The following CAMTA2 variants were observed in gnomAD, a reference collection of about 807,000 sequenced individuals.
CAMTA2 encodes the protein calmodulin-binding transcription activator 2.
Under a neutral mutation model 135.7 loss-of-function variants are expected in CAMTA2, and 56 were observed. The ratio of observed to expected loss-of-function variants is 0.41; its 90% CI spans 0.33 to 0.52. The LOEUF (loss-of-function observed/expected upper bound fraction) is 0.52, where lower values mean the gene tolerates loss of function less well. Among genes scored for constraint, CAMTA2 ranks in the 20% least tolerant of loss-of-function variants. The probability of loss-of-function intolerance (pLI) is 0.16; values close to 1 mark genes in which losing one functional copy is unlikely to be tolerated. For synonymous variants in CAMTA2, 591 were observed against 604.6 expected, an observed-to-expected ratio of 0.98 and a Z score of 0.33; for missense variants, 1,358 against 1,553.4, an observed-to-expected ratio of 0.87 and a Z score of 2.11.
Position 4,974,502 on chromosome 17 carries a change from T to A in CAMTA2, c.1901-2A>T. 1.9e-6 allele frequency: 3 copies of A among 1,603,216 alleles called. No homozygotes were observed. Among genetic ancestry groups the A allele is most frequent in the Non-Finnish European group, 2.6e-6 (3 of 1,170,074 alleles). Reference sequence around the variant, plus strand: ...GTATGGACATCCGGAACTGGTTGTCTGAGGGGGAACGGGTATGGGAGGCTG... The same window carrying A: ...GTATGGACATCCGGAACTGGTTGTCAGAGGGGGAACGGGTATGGGAGGCTG... On this transcript the variant is annotated splice_acceptor_variant, in intron 11 of 22. Transcript: ENST00000348066. LOFTEE classifies it high-confidence loss of function.
At chr17:4,978,355 G>A in intron 10 of CAMTA2, 149 bp downstream of exon 10, 4 of 768,284 alleles carry the variant, frequency 5.2e-6, no homozygotes, top group Non-Finnish European at 8.1e-6. Flanking sequence ...TGCTGGGAGA[G>A]CTTGGGGCTC....
chr17:4,977,988 T>G (rs1378595009), intron 10 of CAMTA2, among the ~76,000 whole-genome samples: 1 of 152,222 alleles, frequency 6.6e-6, no homozygotes, highest in Non-Finnish European at 1.5e-5. Context: ...TCAGTGAGAC[T>G]GGGGAAGTGA....
At position 4,970,430 on chromosome 17, in the gene CAMTA2, C is replaced by T. The variant is rs138067622; in HGVS notation, c.2915G>A (p.Arg972Gln). 1,186 of 1,614,204 alleles carry T rather than the reference C, an allele frequency of 7.3e-4. 1 individual carries two copies. Among genetic ancestry groups the T allele is most frequent in the Admixed American group, 9.8e-4 (59 of 60,026 alleles). ...CTCACTGAGCCCCACAGCCCCTGTC[C>T]GCTCCCGCATTGAGGCTCCAGCCTC... is the stretch of plus-strand genomic sequence containing the variant. ...LPEAGASMRE[R>Q]TGAVGLSETM... is the part of the protein sequence containing the mutation. Residue 972 changes from arginine to glutamine, a missense_variant, in exon 17 of 23, where the codon CGG becomes CAG. Transcript: ENST00000348066.
rs773539959 is a variant in CAMTA2 at position 4,970,388 on chromosome 17, G to T, written c.2957C>A (p.Ala986Asp). ...ATGGTCCACATTCTCCAGGTAGCTG[G>T]CCAGCCAGGACATGGTCTCACTGAG... ...VGLSETMSWL[A>D]SYLENVDHFP... The change falls in exon 17 of 23, where the codon GCC becomes GAC. Residue 986 changes from alanine to aspartate, a missense_variant. Ala to Asp is a moderately radical substitution (Grantham distance 126, BLOSUM62 -2). Around this residue, in one of 4 missense-constraint regions of CAMTA2, gnomAD observed 1,077 missense variants for 1,127.5 expected, o/e 0.96. Coordinates refer to ENST00000348066, the MANE Select transcript of CAMTA2 (RefSeq NM_015099.4). The T allele has an allele frequency of 1.9e-6, 3 of 1,614,090 alleles. No individual in the cohort carries two copies. Among genetic ancestry groups the T allele is most frequent in the Non-Finnish European group, 2.5e-6 (3 of 1,180,040 alleles).
At chr17:4,975,828 C>T (rs1897854716) in intron 11 of CAMTA2, among the ~76,000 whole-genome samples, 1 of 152,036 alleles carries the variant, frequency 6.6e-6, no homozygotes, top group South Asian at 2.1e-4. Context: ...GCAGCAGGTG[C>T]AGACAGAAAC....
In CAMTA2 at chr17:4,968,835, T is replaced by C. The variant is rs200440540; in HGVS notation, c.3546-16A>G. 19 of 1,613,212 alleles carry C rather than the reference T, an allele frequency of 1.2e-5. No individual in the cohort carries two copies. The highest frequency in any genetic ancestry group is 4.0e-5 in the African/African-American group (3 of 74,824). The stretch of plus-strand genomic sequence containing the variant: ...TTCCCTCATCCTGCAGAGAGAAAGA[T>C]AGGAGTCAGAGGAGACTGGCGGATC... On this transcript the variant is annotated splice_polypyrimidine_tract_variant and intron_variant, in intron 22 of 22. Transcript: ENST00000348066.
rs1165426256 is a variant in CAMTA2 at position 4,968,611 on chromosome 17, G to A, written c.*145C>T. On this transcript the variant is annotated 3_prime_UTR_variant, in exon 23 of 23. Transcript: ENST00000348066. Reference sequence around the variant, plus strand: ...GGAGAGGGGTGTGGGAGCAAGGCGTGGGGAGGAGGGAGGAGGCCTACAGAG... The same window carrying A: ...GGAGAGGGGTGTGGGAGCAAGGCGTAGGGAGGAGGGAGGAGGCCTACAGAG... 3.7e-5 allele frequency: 30 copies of A among 805,780 alleles called. No homozygotes were observed. Among genetic ancestry groups the A allele is most frequent in the African/African-American group, 8.5e-5 (5 of 58,928 alleles). The allele number at this position is 805,780 out of a possible 1,614,324, so 49.9% of individuals were successfully genotyped here. A position where few individuals can be genotyped will look rare whatever the true frequency, so the allele number is the denominator to read the frequency against.
Position 4,986,180 on chromosome 17 carries a change from TTG to T in CAMTA2, c.31+10_31+11del. The T allele has an allele frequency of 6.5e-7, 1 of 1,540,466 alleles. No homozygotes were observed. Among genetic ancestry groups the T allele is most frequent in the South Asian group, 1.1e-5 (1 of 89,656 alleles). On this transcript the variant is annotated intron_variant, in intron 2 of 22. Transcript: ENST00000348066. The stretch of plus-strand genomic sequence containing the variant: ...GCTGTGGCCACATTGGGAACCTGGT[TTG>T]TGAACTTACCAGCAACCTCGGTGGT...
chr17:4,983,933 G>A (rs1973111098), intron 3 of CAMTA2, among the ~76,000 whole-genome samples: 2 of 150,868 alleles, frequency 1.3e-5, no homozygotes, highest in Admixed American at 1.3e-4. Context: ...ACACTGCCAG[G>A]AATTTCAGAT....
chr17:4,977,235 C>T, intron 10 of CAMTA2, 43 bp from the exon 11 acceptor site: 2 of 1,600,408 alleles, frequency 1.2e-6, no homozygotes, highest in Non-Finnish European at 8.5e-7. Context: ...CTTTCCCTGG[C>T]TCCTTCTCTG....
intron 3 of CAMTA2, among the ~76,000 whole-genome samples, chr17:4,985,009 T>C (rs1973175281): frequency 8.2e-6 from 1 of 121,670 alleles, no homozygotes; most frequent in Non-Finnish European, 1.7e-5. Context: ...AGAGCGAGAC[T>C]CCATCTCAAA....
intron 8 of CAMTA2, 127 bp downstream of exon 8, chr17:4,981,098 C>T (rs1358850385): frequency 4.2e-5 from 51 of 1,223,640 alleles, no homozygotes; most frequent in Non-Finnish European, 8.1e-6. Flanking sequence ...TCTGGCCCAT[C>T]TTTCTGGGAC....
chr17:4,985,857 A>G (rs1367804614), intron 3 of CAMTA2, 23 bp downstream of exon 3: 1 of 1,550,268 alleles, frequency 6.5e-7, no homozygotes, highest in Admixed American at 1.7e-5. Context: ...GCTGGGCCCC[A>G]ACCCCCAGCC....
intron 10 of CAMTA2, 37 bp downstream of exon 10, chr17:4,978,467 T>C (rs761231045): frequency 5.0e-6 from 8 of 1,607,896 alleles, no homozygotes; most frequent in Admixed American, 1.7e-5. Flanking sequence ...ACTGCCCACA[T>C]GTCAGTCCCT....
At position 4,972,916 on chromosome 17, in the gene CAMTA2, G is replaced by T; in HGVS notation, c.2356C>A (p.Pro786Thr). 1 of 1,613,860 alleles carries T rather than the reference G, an allele frequency of 6.2e-7. No homozygotes were observed. Among genetic ancestry groups the T allele is most frequent in the South Asian group, 1.1e-5 (1 of 91,082 alleles). Residue 786 changes from proline (P) to threonine (T), a missense_variant, in exon 15 of 23, where the codon CCC becomes ACC. Coordinates refer to ENST00000348066, the MANE Select transcript of CAMTA2 (RefSeq NM_015099.4). ...FRWNRQALSI[P>T]DSLGRLPLSV... ...AATGGCAGACGGCCCAGAGAGTCGGGAATGCTCAGTGCCTGTCGGTTCCAA... is the reference window on the plus strand; with the variant it reads ...AATGGCAGACGGCCCAGAGAGTCGGTAATGCTCAGTGCCTGTCGGTTCCAA...
chr17:4,969,444 A>G lies in CAMTA2; in HGVS notation c.3282+56T>C, dbSNP rs1301112514. 1.2e-6 allele frequency: 2 copies of G among 1,610,956 alleles called. No homozygotes were observed. Among genetic ancestry groups the G allele is most frequent in the African/African-American group, 1.3e-5 (1 of 74,820 alleles). On this transcript the variant is annotated intron_variant, in intron 20 of 22. Coordinates refer to ENST00000348066, the MANE Select transcript of CAMTA2 (RefSeq NM_015099.4). This position sits in a 1 kb window ranked among gnomAD's most constrained non-coding sequence, Gnocchi z 5.6. ...ATGCAAGACTCTCTGTAACCCACAC[A>G]CTCAAGGAAAGACTGAATCATCACA...
rs1972023000 is a variant in CAMTA2, at chr17:4,968,078, C to A, written c.*678G>T. On this transcript the variant is annotated 3_prime_UTR_variant, in exon 23 of 23. Coordinates refer to ENST00000348066, the MANE Select transcript of CAMTA2 (RefSeq NM_015099.4). ...AGTGCCCGTGGAGCCGGCAGGAGGC[C>A]CCCGCCGCGCTAGAGAACCACAAGC... 2.0e-6 allele frequency: 1 copy of A among 503,882 alleles called. No homozygotes were observed. Among genetic ancestry groups the A allele is most frequent in the African/African-American group, 1.9e-5 (1 of 51,874 alleles). 31.2% of individuals were successfully genotyped at this position (503,882 alleles called of 1,614,324 possible).
chr17:4,981,780 A>G lies in CAMTA2; in HGVS notation c.463T>C (p.Cys155Arg), dbSNP rs1299494231. 2.5e-6 allele frequency: 4 copies of G among 1,613,222 alleles called. No homozygotes were observed. Among genetic ancestry groups the G allele is most frequent in the Non-Finnish European group, 3.4e-6 (4 of 1,179,590 alleles). ...AAGATGGGGCTGCAGCCCTTTCCAC[A>G]GTCCTCCAGGGCTGGGACGTTCAGG... is the stretch of plus-strand genomic sequence containing the variant. ...HYLNVPALED[C>R]GKGCSPIFCS... is the part of the protein sequence containing the mutation. Residue 155 changes from cysteine (C) to arginine (R), a missense_variant, in exon 7 of 23, where the codon TGT becomes CGT. Cys to Arg is a radical substitution (Grantham distance 180). Coordinates refer to ENST00000348066, the MANE Select transcript of CAMTA2 (RefSeq NM_015099.4).
At chr17:4,977,787 T>C (rs1221612709) in intron 10 of CAMTA2, among the ~76,000 whole-genome samples, 1 of 152,154 alleles carries the variant, frequency 6.6e-6, no homozygotes, top group African/African-American at 2.4e-5. Flanking sequence ...TGAGGTCCCC[T>C]AGTAAGGCTG....
Sources: allele counts gnomAD v4.1 joint callset (sites outside exome capture counted in the v4.1 genomes callset), GRCh38; gene constraint gnomAD v4.1.1; regional missense constraint gnomAD v4.1.1; non-coding constraint Gnocchi (gnomAD v3.1); transcripts MANE v1.5; gene names NCBI Gene and HGNC (gene_info 2026-07-23, HGNC 2026-07-21).